The following VAT1L variants were observed in gnomAD, a reference collection of about 807,000 sequenced individuals.
VAT1L encodes the protein putative NADPH-dependent quinone oxidoreductase VAT1L.
Under a neutral mutation model 44.1 loss-of-function variants are expected in VAT1L, and 34 were observed. The observed-to-expected ratio is 0.77, with a 90% confidence interval of 0.59 to 1.03. The LOEUF is 1.03. VAT1L is among the 50% of genes least tolerant of loss of function. The pLI, the probability that VAT1L is intolerant of heterozygous loss-of-function variation, is 0.00. For synonymous variants in VAT1L, 253 were observed against 202.2 expected (o/e 1.25, Z -2.13); for missense variants, 615 against 538.8 (o/e 1.14, Z -1.40).
At chr16:77,886,808 A>G (rs560073575) in intron 7 of VAT1L, among the ~76,000 whole-genome samples, 10 of 152,274 alleles carry the variant, frequency 6.6e-5, no homozygotes, top group African/African-American at 1.4e-4. Context: ...CCACAGAGCA[A>G]TGTTGCTTAA....
Position 77,911,184 on chromosome 16 carries a change from A to G in VAT1L, c.1077+26382A>G, listed in dbSNP as rs528759472. ...ATTCACAATGAAAAACATAACCTCC[A>G]TCTCAGAAGTGCAATATCGTTGGTT... On this transcript the variant is annotated intron_variant, in intron 7 of 8. Coordinates refer to ENST00000302536, the MANE Select transcript of VAT1L (RefSeq NM_020927.3). Among the ~76,000 whole-genome samples, 7 of 152,316 alleles carry G rather than the reference A, an allele frequency of 4.6e-5. No individual in the cohort carries two copies. The East Asian group carries it at 1.3e-3, about 29-fold the overall frequency.
intron 7 of VAT1L, among the ~76,000 whole-genome samples, chr16:77,939,369 C>G (rs920447617): frequency 6.7e-6 from 1 of 149,168 alleles, no homozygotes; most frequent in East Asian, 2.1e-4. Flanking sequence ...TATCATAGCT[C>G]AAACCAGTGG....
At chr16:77,814,478 T>A (rs987637891) in intron 1 of VAT1L, among the ~76,000 whole-genome samples, 1 of 152,174 alleles carries the variant, frequency 6.6e-6, no homozygotes, top group Admixed American at 6.5e-5. Flanking sequence ...CAGTTTACCA[T>A]CACTGGGCCC....
chr16:77,920,883 C>G (rs1440343661), intron 7 of VAT1L, among the ~76,000 whole-genome samples: 8 of 152,044 alleles, frequency 5.3e-5, no homozygotes, highest in Non-Finnish European at 8.8e-5. Context: ...ACCCCCTAAC[C>G]ATGCATTTCT....
intron 1 of VAT1L, among the ~76,000 whole-genome samples, chr16:77,797,291 T>C (rs965335347): frequency 6.6e-6 from 1 of 152,000 alleles, no homozygotes. Context: ...TTTGTATTTT[T>C]AGCAGAGACA....
chr16:77,858,176 T>G (rs576868355), intron 3 of VAT1L, among the ~76,000 whole-genome samples: 1 of 152,042 alleles, frequency 6.6e-6, no homozygotes, highest in South Asian at 2.1e-4. Flanking sequence ...GTGGTCACGC[T>G]TCGGGAGAAA....
intron 3 of VAT1L, among the ~76,000 whole-genome samples, chr16:77,854,514 CTG>C (rs2016838876): frequency 6.6e-6 from 1 of 152,210 alleles, no homozygotes; most frequent in Non-Finnish European, 1.5e-5. Flanking sequence ...GTTTCTGACT[CTG>C]TGTCTAAACC....
intron 7 of VAT1L, among the ~76,000 whole-genome samples, chr16:77,937,722 C>A (rs2017820255): frequency 6.6e-6 from 1 of 152,212 alleles, no homozygotes; most frequent in African/African-American, 2.4e-5. Context: ...GGGCCCTTCC[C>A]ACCTGACTGT....
intron 3 of VAT1L, among the ~76,000 whole-genome samples, chr16:77,845,396 C>G (rs796917560): frequency 2.8e-4 from 42 of 152,256 alleles, no homozygotes; most frequent in African/African-American, 9.6e-4. Flanking sequence ...TTCTATGTCA[C>G]CTCTCAGAGG....
At chr16:77,970,558 A>G (rs1485467378) in intron 7 of VAT1L, among the ~76,000 whole-genome samples, 3 of 152,204 alleles carry the variant, frequency 2.0e-5, no homozygotes, top group Non-Finnish European at 4.4e-5. Flanking sequence ...ACAACCACAT[A>G]TCATTTCCTT....
chr16:77,841,575 C>T (rs1030530700), intron 3 of VAT1L, among the ~76,000 whole-genome samples: 4 of 152,156 alleles, frequency 2.6e-5, no homozygotes, highest in African/African-American at 9.7e-5. Context: ...AGACTTTGTC[C>T]ACGGTACAGG....
intron 7 of VAT1L, among the ~76,000 whole-genome samples, chr16:77,953,416 A>T (rs2018066586): frequency 1.3e-5 from 2 of 152,196 alleles, no homozygotes; most frequent in Admixed American, 6.5e-5. Flanking sequence ...TTGTTAAAGC[A>T]TTATTTCTAG....
At position 77,864,029 on chromosome 16, in the gene VAT1L, A is replaced by G. The variant is rs919448382; in HGVS notation, c.722+1139A>G. Among the ~76,000 whole-genome samples the G allele has an allele frequency of 2.0e-5, 3 of 152,286 alleles. No homozygotes were observed. The South Asian group carries it at 6.2e-4, about 32-fold the overall frequency. ...CAGTCACCTGGGGGAATGATGGTTT[A>G]TAACCTGTGATTCTGAAGTTATTGA... On this transcript the variant is annotated intron_variant, in intron 4 of 8. Coordinates refer to ENST00000302536, the MANE Select transcript of VAT1L (RefSeq NM_020927.3).
At chr16:77,864,408 C>T (rs1387562513) in intron 4 of VAT1L, among the ~76,000 whole-genome samples, 1 of 152,070 alleles carries the variant, frequency 6.6e-6, no homozygotes, top group Non-Finnish European at 1.5e-5. Context: ...CCCTGGCCAA[C>T]ATAGTGAAGC....
intron 3 of VAT1L, among the ~76,000 whole-genome samples, chr16:77,859,399 T>G (rs2016893485): frequency 6.6e-6 from 1 of 152,114 alleles, no homozygotes. Flanking sequence ...TGGCTGAAGT[T>G]CGGTGTGTGT....
rs550150217 is a variant in VAT1L at position 77,889,884 on chromosome 16, C to T, written c.1077+5082C>T. Reference sequence around the variant, plus strand: ...AGCAGTTCACTTGAGGTCGGGAGTTCGAGACCAGCCCGGCCAACAGGGTGA... The same window carrying T: ...AGCAGTTCACTTGAGGTCGGGAGTTTGAGACCAGCCCGGCCAACAGGGTGA... On this transcript the variant is annotated intron_variant, in intron 7 of 8. Transcript: ENST00000302536. Among the ~76,000 whole-genome samples, 27 of 152,034 alleles carry T rather than the reference C, an allele frequency of 1.8e-4. No individual in the cohort carries two copies. In the South Asian group the frequency reaches 2.9e-3, roughly 16 times the overall value.
chr16:77,945,081 A>C (rs1407333391), intron 7 of VAT1L, among the ~76,000 whole-genome samples: 11 of 152,192 alleles, frequency 7.2e-5, no homozygotes, highest in African/African-American at 2.7e-4. Context: ...CAGATTATCC[A>C]GCTTAAGTCA....
chr16:77,940,145 G>C (rs527582091), intron 7 of VAT1L, among the ~76,000 whole-genome samples: 1 of 152,266 alleles, frequency 6.6e-6, no homozygotes, highest in East Asian at 1.9e-4. Flanking sequence ...TGATACGCTA[G>C]TGAATGTTTT....
intron 7 of VAT1L, among the ~76,000 whole-genome samples, chr16:77,915,377 A>T (rs995572357): frequency 6.6e-6 from 1 of 152,250 alleles, no homozygotes; most frequent in East Asian, 1.9e-4. Flanking sequence ...TTAAACATTT[A>T]TCTGCACACC....
Sources: gnomAD v4.1 joint callset for allele counts (sites outside exome capture counted in the v4.1 genomes callset) on GRCh38, gnomAD v4.1.1 for gene constraint, MANE v1.5 for transcripts, NCBI Gene and HGNC (gene_info 2026-07-23, HGNC 2026-07-21) for gene names.